Variants in COLEC12 observed in about 807,000 individuals in gnomAD.
The protein encoded by COLEC12 is collectin-12.
Under a neutral mutation model 71.1 loss-of-function variants are expected in COLEC12, and 33 were observed. The observed-to-expected ratio is 0.46, with a 90% CI of 0.35 to 0.62. COLEC12 has a LOEUF of 0.62. Ranked by LOEUF, COLEC12 falls within the 20% of genes least tolerant of loss-of-function variation. The pLI is 0.00. For synonymous variants in COLEC12, 350 were observed against 353.0 expected (o/e 0.99, Z 0.10); for missense variants, 765 against 916.1 (o/e 0.84, Z 2.13).
Position 491,966 on chromosome 18 carries a change from C to T in COLEC12, c.7+8542G>A, listed in dbSNP as rs116468546. Reference sequence around the variant, plus strand: ...TGGAACACAGTTATTATGTATTCTCCTGGTGAATGAACTCAATGCAGCGTA... The same window carrying T: ...TGGAACACAGTTATTATGTATTCTCTTGGTGAATGAACTCAATGCAGCGTA... On this transcript the variant is annotated intron_variant, in intron 1 of 9. Transcript: ENST00000400256. Among the ~76,000 whole-genome samples the T allele has an allele frequency of 5.3e-3, 810 of 152,190 alleles. 7 individuals carry two copies. The highest frequency in any genetic ancestry group is 0.018 in the African/African-American group (749 of 41,506).
In COLEC12 at chr18:352,192, G is replaced by T. The variant is rs557120261; in HGVS notation, c.182-4029C>A. ...CTCCTAAATCCCTGGAAACTCTCAA[G>T]AATAAAATGTTGCATATGTGTTTTT... On this transcript the variant is annotated intron_variant, in intron 3 of 9. Transcript: ENST00000400256. Among the ~76,000 whole-genome samples, 22 of 152,272 alleles carry T rather than the reference G, an allele frequency of 1.4e-4. No homozygotes were observed. The East Asian group carries it at 4.2e-3, about 29-fold the overall frequency.
chr18:481,492 G>A (rs1295998363), intron 1 of COLEC12, among the ~76,000 whole-genome samples: 1 of 152,192 alleles, frequency 6.6e-6, no homozygotes, highest in Non-Finnish European at 1.5e-5. Flanking sequence ...ATCACCTGAG[G>A]TCAGGAGTTC....
intron 2 of COLEC12, among the ~76,000 whole-genome samples, chr18:397,000 G>A (rs968228953): frequency 6.6e-6 from 1 of 152,190 alleles, no homozygotes; most frequent in African/African-American, 2.4e-5. Flanking sequence ...TCTGTCAAGT[G>A]ACCTGGAATG....
At chr18:456,362 T>C (rs1916871849) in intron 2 of COLEC12, among the ~76,000 whole-genome samples, 1 of 152,118 alleles carries the variant, frequency 6.6e-6, no homozygotes, top group Admixed American at 6.5e-5. Context: ...CAGAAAGCAC[T>C]GGGGAGTTAG....
At chr18:421,865 C>T (rs1425791019) in intron 2 of COLEC12, among the ~76,000 whole-genome samples, 1 of 152,194 alleles carries the variant, frequency 6.6e-6, no homozygotes, top group Non-Finnish European at 1.5e-5. Flanking sequence ...GAGTTTTATG[C>T]ATTTGGGTCA....
At chr18:433,199 A>C (rs546748319) in intron 2 of COLEC12, among the ~76,000 whole-genome samples, 2 of 152,216 alleles carry the variant, frequency 1.3e-5, no homozygotes, top group Admixed American at 6.5e-5. Flanking sequence ...TGAAAATAAG[A>C]AGCAGCACTT....
rs574629666 is a variant in COLEC12, at chr18:500,357, G to A, written c.7+151C>T. ...CCCGGGAGCCGGGTGCGCCCCCAGT[G>A]TCCGCGCACGAACCCGGCGCCCTGG... On this transcript the variant is annotated intron_variant, in intron 1 of 9. Transcript: ENST00000400256. The surrounding 1 kb of genome is among the most constrained non-coding windows in gnomAD (Gnocchi z 5.3). The A allele has an allele frequency of 1.2e-4, 58 of 479,112 alleles. No homozygotes were observed. The highest frequency in any genetic ancestry group is 1.2e-3 in the Middle Eastern group (2 of 1,612). 29.7% of individuals were successfully genotyped at this position (479,112 alleles called of 1,614,324 possible).
chr18:403,800 AG>A (rs142336736), intron 2 of COLEC12, among the ~76,000 whole-genome samples: 8,910 of 152,288 alleles, frequency 0.059, 378 homozygotes, highest in Middle Eastern at 0.13. Context: ...CAATTTTGCC[AG>A]GTCACTGGGC....
At chr18:497,915 A>T (rs1294844511) in intron 1 of COLEC12, among the ~76,000 whole-genome samples, 1 of 152,236 alleles carries the variant, frequency 6.6e-6, no homozygotes, top group African/African-American at 2.4e-5. Flanking sequence ...CCAAAGCCTC[A>T]CATGCAACTG....
intron 2 of COLEC12, among the ~76,000 whole-genome samples, chr18:425,901 A>C (rs1434121573): frequency 6.6e-6 from 1 of 152,194 alleles, no homozygotes; most frequent in Non-Finnish European, 1.5e-5. Flanking sequence ...CTAAGCCGAG[A>C]GCCATAACAT....
chr18:373,580 T>A (rs375460259), intron 2 of COLEC12, among the ~76,000 whole-genome samples: 2 of 152,234 alleles, frequency 1.3e-5, no homozygotes, highest in African/African-American at 2.4e-5. Flanking sequence ...TGGCTTACAT[T>A]CCAGGGCATG....
At chr18:337,827 C>G (rs1352511651) in intron 5 of COLEC12, among the ~76,000 whole-genome samples, 2 of 152,228 alleles carry the variant, frequency 1.3e-5, no homozygotes, top group Non-Finnish European at 2.9e-5. Context: ...CTTCCATCAT[C>G]CCTTCTCCCA....
chr18:390,160 G>A (rs975305279), intron 2 of COLEC12, among the ~76,000 whole-genome samples: 6 of 152,204 alleles, frequency 3.9e-5, no homozygotes, highest in African/African-American at 1.4e-4. Flanking sequence ...CCAGCAGGGG[G>A]CTAGGTCCCC....
intron 2 of COLEC12, among the ~76,000 whole-genome samples, 186 bp from the exon 3 acceptor site, chr18:357,708 A>G (rs748519945): frequency 6.6e-6 from 1 of 152,244 alleles, no homozygotes; most frequent in African/African-American, 2.4e-5. Context: ...TTACCATTCT[A>G]TTGTTATAGC....
intron 2 of COLEC12, among the ~76,000 whole-genome samples, chr18:383,658 C>A (rs1433043836): frequency 6.6e-6 from 1 of 152,194 alleles, no homozygotes; most frequent in Non-Finnish European, 1.5e-5. Context: ...TCTCCCCTAA[C>A]TGCCCCCTAC....
intron 2 of COLEC12, among the ~76,000 whole-genome samples, chr18:383,565 A>G (rs934949674): frequency 2.6e-5 from 4 of 152,252 alleles, no homozygotes; most frequent in African/African-American, 9.6e-5. Context: ...AAAAATCAAG[A>G]TAAAAACTAA....
chr18:348,866 T>C (rs753602741), intron 3 of COLEC12, among the ~76,000 whole-genome samples: 30 of 152,214 alleles, frequency 2.0e-4, no homozygotes, highest in Non-Finnish European at 4.1e-4. Flanking sequence ...ATGCCACTGA[T>C]AGGGTTTGGC....
intron 2 of COLEC12, among the ~76,000 whole-genome samples, chr18:407,603 TCATCAGTTGA>T (rs1915815421): frequency 6.6e-6 from 1 of 152,208 alleles, no homozygotes; most frequent in Admixed American, 6.5e-5. Context: ...TTTATTCAGG[TCATCAGTTGA>T]CAGAATGAAA....
chr18:339,388 A>C (rs924515464), intron 5 of COLEC12, among the ~76,000 whole-genome samples: 1 of 152,132 alleles, frequency 6.6e-6, no homozygotes, highest in African/African-American at 2.4e-5. Context: ...GTGAAGAATG[A>C]CCTCAAACGT....
Sources: allele counts gnomAD v4.1 joint callset (sites outside exome capture counted in the v4.1 genomes callset), GRCh38; gene constraint gnomAD v4.1.1; non-coding constraint Gnocchi (gnomAD v3.1); transcripts MANE v1.5; gene names NCBI Gene and HGNC (gene_info 2026-07-23, HGNC 2026-07-21).